ADGRL3: variants seen among roughly 807,000 people sequenced by gnomAD.
ADGRL3 encodes the protein adhesion G protein-coupled receptor L3.
In ADGRL3, 62 loss-of-function variants were observed where a neutral mutation model predicts 153.5. The observed-to-expected ratio is 0.40, with a 90% CI of 0.33 to 0.50. The LOEUF is 0.50. ADGRL3 is among the 20% of genes least tolerant of loss of function. The probability of loss-of-function intolerance (pLI) is 0.47; values close to 1 mark genes in which losing one functional copy is unlikely to be tolerated. For synonymous variants in ADGRL3, 710 were observed against 672.5 expected, an observed-to-expected ratio of 1.06 and a Z score of -0.86; for missense variants, 1,641 against 1,859.4, an observed-to-expected ratio of 0.88 and a Z score of 2.16.
At chr4:61,560,656 A>T (rs76882952) in intron 4 of ADGRL3, among the ~76,000 whole-genome samples, 3,809 of 91,612 alleles carry the variant, frequency 0.042, 118 homozygotes, top group East Asian at 0.33. Flanking sequence ...TTATTTATTT[A>T]TTTTTTTTGC....
intron 4 of ADGRL3, chr4:61,579,547 C>T (rs377638155): frequency 1.7e-4 from 85 of 496,952 alleles, no homozygotes; most frequent in African/African-American, 1.5e-3. Flanking sequence ...CTCAGGTAGA[C>T]GATTTCATTT....
intron 25 of ADGRL3, among the ~76,000 whole-genome samples, chr4:62,052,230 A>G (rs1178357749): frequency 6.6e-6 from 1 of 151,676 alleles, no homozygotes; most frequent in Non-Finnish European, 1.5e-5. Flanking sequence ...TTCTTTTCAT[A>G]TAATGACAAT....
At chr4:62,012,797 C>T (rs1188283166) in intron 21 of ADGRL3, among the ~76,000 whole-genome samples, 1 of 152,066 alleles carries the variant, frequency 6.6e-6, no homozygotes, top group East Asian at 1.9e-4. Flanking sequence ...AAAATCTGGC[C>T]AGCAGAATGC....
At chr4:61,891,442 C>T (rs963971636) in intron 9 of ADGRL3, among the ~76,000 whole-genome samples, 8 of 152,098 alleles carry the variant, frequency 5.3e-5, no homozygotes, top group African/African-American at 9.7e-5. Flanking sequence ...AGGCAAAAGA[C>T]ACATAATAGA....
intron 5 of ADGRL3, among the ~76,000 whole-genome samples, chr4:61,667,580 A>G (rs2150720125): frequency 6.6e-6 from 1 of 152,290 alleles, no homozygotes; most frequent in Non-Finnish European, 1.5e-5. Flanking sequence ...TTAATGTTTG[A>G]TATTTCACAT....
intron 8 of ADGRL3, among the ~76,000 whole-genome samples, chr4:61,768,363 G>A (rs1432326344): frequency 1.3e-5 from 2 of 151,932 alleles, no homozygotes; most frequent in East Asian, 1.9e-4. Flanking sequence ...AGATGGGTCT[G>A]TAGAAAAGGA....
rs2098138745 is a variant in ADGRL3 at position 61,847,728 on chromosome 4, A to T, written c.1480+33839A>T. The stretch of plus-strand genomic sequence containing the variant: ...TTATATATATAATATAAAATATATT[A>T]TATATATAATACAAAATATATTATA... On this transcript the variant is annotated intron_variant, in intron 9 of 26. Coordinates refer to ENST00000683033, the MANE Select transcript of ADGRL3 (RefSeq NM_001387552.1). 1.6e-4 allele frequency among the ~76,000 whole-genome samples: 7 copies of T among 44,424 alleles called. 1 individual carries two copies. In the Admixed American group the frequency reaches 3.0e-3, roughly 19 times the overall value. 29.1% of individuals were successfully genotyped at this position (44,424 alleles called of 152,430 possible). A position where few individuals can be genotyped will look rare whatever the true frequency, so the allele number is the denominator to read the frequency against.
intron 17 of ADGRL3, among the ~76,000 whole-genome samples, chr4:61,959,086 T>C (rs2098978463): frequency 6.6e-6 from 1 of 152,224 alleles, no homozygotes; most frequent in African/African-American, 2.4e-5. Context: ...CCTTCCATTA[T>C]TGGGAATTGC....
At chr4:61,491,299 G>C (rs2098255614) in intron 2 of ADGRL3, among the ~76,000 whole-genome samples, 1 of 152,090 alleles carries the variant, frequency 6.6e-6, no homozygotes, top group Non-Finnish European at 1.5e-5. Context: ...GGAAATACTG[G>C]AATCTTGAAT....
intron 19 of ADGRL3, among the ~76,000 whole-genome samples, chr4:61,987,940 A>G (rs1296965890): frequency 6.6e-6 from 1 of 152,082 alleles, no homozygotes; most frequent in African/African-American, 2.4e-5. Context: ...TAATAATAAT[A>G]CCTTACATTT....
chr4:61,544,539 A>T (rs1389514568), intron 4 of ADGRL3, among the ~76,000 whole-genome samples: 3 of 152,142 alleles, frequency 2.0e-5, no homozygotes, highest in African/African-American at 7.2e-5. Flanking sequence ...GAAATCTTTC[A>T]TTGAGACGTA....
chr4:61,596,182 T>C (rs2098988298), intron 5 of ADGRL3, among the ~76,000 whole-genome samples: 1 of 152,208 alleles, frequency 6.6e-6, no homozygotes, highest in African/African-American at 2.4e-5. Flanking sequence ...AGACAGTTGT[T>C]AAAATGTGCT....
Position 61,812,242 on chromosome 4 carries a change from G to A in ADGRL3, c.1400-1567G>A, listed in dbSNP as rs144789719. On this transcript the variant is annotated intron_variant, in intron 8 of 26. Transcript: ENST00000683033. ...TTAGTATTCCACTGAAACATGGCCA[G>A]TGAATGTGCAATATTCTTAGTTACC... 6.3e-4 allele frequency among the ~76,000 whole-genome samples: 96 copies of A among 152,244 alleles called. 1 individual carries two copies. The highest frequency in any genetic ancestry group is 2.3e-3 in the African/African-American group (94 of 41,562).
chr4:61,485,481 A>C (rs918592854), intron 2 of ADGRL3, among the ~76,000 whole-genome samples: 1 of 152,170 alleles, frequency 6.6e-6, no homozygotes, highest in Non-Finnish European at 1.5e-5. Context: ...ATTTTTTAAA[A>C]ATGTGAATAT....
intron 9 of ADGRL3, among the ~76,000 whole-genome samples, chr4:61,891,260 T>A (rs1201842160): frequency 6.6e-6 from 1 of 152,062 alleles, no homozygotes; most frequent in Non-Finnish European, 1.5e-5. Context: ...CAAAAAGACT[T>A]GGTTATTTGG....
intron 9 of ADGRL3, among the ~76,000 whole-genome samples, chr4:61,825,813 C>G (rs1180962299): frequency 1.3e-5 from 2 of 151,998 alleles, no homozygotes; most frequent in Non-Finnish European, 2.9e-5. Context: ...GTGAGTTATT[C>G]CTTAATATCA....
In ADGRL3 at chr4:61,912,878, G is replaced by C. The variant is rs576525608; in HGVS notation, c.2112+121G>C. The C allele has an allele frequency of 1.0e-4, 94 of 900,312 alleles. No individual in the cohort carries two copies. The East Asian group carries it at 2.2e-3, about 22-fold the overall frequency. 55.8% of individuals were successfully genotyped at this position (900,312 alleles called of 1,614,324 possible). On this transcript the variant is annotated intron_variant, in intron 13 of 26. Coordinates refer to ENST00000683033, the MANE Select transcript of ADGRL3 (RefSeq NM_001387552.1). ...ACTGAAATAAAGGAATTTCATGGAG[G>C]GGGAGAAGGGTGGGAACAGAAAGCA...
intron 6 of ADGRL3, among the ~76,000 whole-genome samples, chr4:61,691,082 G>A (rs80004583): frequency 0.027 from 4,128 of 152,200 alleles, 189 homozygotes; most frequent in African/African-American, 0.094. Context: ...TGTAAAGTGA[G>A]AAACATATGT....
chr4:61,284,877 T>G lies in ADGRL3; in HGVS notation c.-240+83112T>G, dbSNP rs145672648. Among the ~76,000 whole-genome samples, 20 of 151,974 alleles carry G rather than the reference T, an allele frequency of 1.3e-4. No individual in the cohort carries two copies. In the Admixed American group the frequency reaches 1.3e-3, roughly 10 times the overall value. On this transcript the variant is annotated intron_variant, in intron 1 of 26. Transcript: ENST00000683033. ...TGCCTCTTTTCCTTACTTTCTTTTCTCCTTTTCTCCTCTCCTTTCTTCATG... is the reference window on the plus strand; with the variant it reads ...TGCCTCTTTTCCTTACTTTCTTTTCGCCTTTTCTCCTCTCCTTTCTTCATG...
Sources: allele counts gnomAD v4.1 joint callset (sites outside exome capture counted in the v4.1 genomes callset), GRCh38; gene constraint gnomAD v4.1.1; transcripts MANE v1.5; gene names NCBI Gene and HGNC (gene_info 2026-07-23, HGNC 2026-07-21).